Variants in MTFR1 observed in about 807,000 individuals in gnomAD.
The protein encoded by MTFR1 is chondrocyte protein with a poly-proline region.
Under a neutral mutation model 38.8 loss-of-function variants are expected in MTFR1, and 28 were observed. That is an observed-to-expected ratio of 0.72 (90% CI 0.53 to 0.99). The LOEUF (loss-of-function observed/expected upper bound fraction) is 0.99, where lower values mean the gene tolerates loss of function less well. Ranked by LOEUF, MTFR1 falls within the 50% of genes least tolerant of loss-of-function variation. The pLI is 0.00. For synonymous variants in MTFR1, 145 were observed against 137.0 expected (o/e 1.06, Z -0.41); for missense variants, 358 against 395.5 (o/e 0.91, Z 0.81).
chr8:65,713,867 T>TA (rs1216109382), downstream of MTFR1, among the ~76,000 whole-genome samples: 1 of 151,986 alleles, frequency 6.6e-6, no homozygotes, highest in African/African-American at 2.4e-5. Context: ...TATTTTTTTT[T>TA]AGTAGAGATG....
intron 2 of MTFR1, among the ~76,000 whole-genome samples, chr8:65,681,095 G>A (rs1804872687): frequency 6.6e-6 from 1 of 151,360 alleles, no homozygotes; most frequent in Admixed American, 6.6e-5. Flanking sequence ...TGTATTTTTA[G>A]TAGAGACGGG....
exon 3 of MTFR1, chr8:65,719,447 A>C (rs746312759): frequency 1.2e-6 from 2 of 1,614,062 alleles, no homozygotes; most frequent in Non-Finnish European, 1.7e-6. Flanking sequence ...TGTATTGGAA[A>C]ACCTGGCCCA....
chr8:65,710,205 A>AGTT lies in MTFR1; in HGVS notation c.*1164_*1166dup, dbSNP rs1449229807. 7 of 152,202 alleles carry AGTT rather than the reference A, an allele frequency of 4.6e-5. No homozygotes were observed. Among genetic ancestry groups the AGTT allele is most frequent in the African/African-American group, 1.7e-4 (7 of 41,462 alleles). The allele number at this position is 152,202 out of a possible 1,614,324, so 9.4% of individuals were successfully genotyped here. On this transcript the variant is annotated 3_prime_UTR_variant, in exon 8 of 8. Coordinates refer to ENST00000262146, the MANE Select transcript of MTFR1 (RefSeq NM_014637.4). Reference sequence around the variant, plus strand: ...ATATTTAAATCTAGTAAAAGAAGAAAGTTGTACTTCCTGGCTGGGAGTATT... The same window carrying AGTT: ...ATATTTAAATCTAGTAAAAGAAGAAAGTTGTTGTACTTCCTGGCTGGGAGTATT...
At chr8:65,699,417 A>G (rs1472997296) in intron 4 of MTFR1, among the ~76,000 whole-genome samples, 1 of 152,222 alleles carries the variant, frequency 6.6e-6, no homozygotes, top group East Asian at 1.9e-4. Flanking sequence ...AAATCTTCAT[A>G]TTCCTTTCCA....
At chr8:65,760,808 G>A (rs1275072678) in intron 3 of MTFR1, among the ~76,000 whole-genome samples, 4 of 152,164 alleles carry the variant, frequency 2.6e-5, no homozygotes, top group Non-Finnish European at 4.4e-5. Flanking sequence ...GTGCTGGGAA[G>A]GTTACACCCA....
At chr8:65,737,436 C>T (rs138578416) in intron 3 of MTFR1, among the ~76,000 whole-genome samples, 7 of 152,296 alleles carry the variant, frequency 4.6e-5, no homozygotes, top group African/African-American at 1.4e-4. Flanking sequence ...AAAATTGTAT[C>T]TGTAGAGTCA....
chr8:65,690,797 C>A (rs1320559401), intron 3 of MTFR1, among the ~76,000 whole-genome samples: 2 of 152,130 alleles, frequency 1.3e-5, no homozygotes, highest in Admixed American at 1.3e-4. Flanking sequence ...AGGCACCATT[C>A]AGATTTTAGT....
intron 3 of MTFR1, among the ~76,000 whole-genome samples, chr8:65,721,035 G>A (rs962671108): frequency 6.6e-6 from 1 of 152,108 alleles, no homozygotes; most frequent in Non-Finnish European, 1.5e-5. Flanking sequence ...ATCACTTCTG[G>A]CTCTACGTTA....
At chr8:65,755,843 G>C (rs1187526944) in intron 3 of MTFR1, among the ~76,000 whole-genome samples, 1 of 152,146 alleles carries the variant, frequency 6.6e-6, no homozygotes, top group African/African-American at 2.4e-5. Context: ...GGCTGGCCTT[G>C]AACTCCTGAG....
Position 65,758,855 on chromosome 8 carries a change from G to A in MTFR1, c.*49-12092G>A, listed in dbSNP as rs542405539. 2.6e-5 allele frequency among the ~76,000 whole-genome samples: 4 copies of A among 152,274 alleles called. 1 individual carries two copies. The highest frequency in any genetic ancestry group is 2.0e-4 in the Admixed American group (3 of 15,306). On this transcript the variant is annotated intron_variant, in intron 3 of 3. Transcript: ENST00000521247. ...ATCCAGAATCAGGTCTATCCCATCT[G>A]TAGCCCCCCAGGGCTACCAGCATCA...
At chr8:65,682,314 A>G (rs533446188) in intron 2 of MTFR1, 39 bp from the exon 3 acceptor site, 12 of 1,064,726 alleles carry the variant, frequency 1.1e-5, no homozygotes, top group Non-Finnish European at 1.7e-5. Flanking sequence ...AGTTCTGTAC[A>G]TCTTGTAATT....
chr8:65,726,201 G>A (rs950417608), intron 3 of MTFR1, among the ~76,000 whole-genome samples: 1 of 152,156 alleles, frequency 6.6e-6, no homozygotes, highest in Non-Finnish European at 1.5e-5. Flanking sequence ...TTTTCCCTCA[G>A]TGCAACATTA....
intron 3 of MTFR1, among the ~76,000 whole-genome samples, chr8:65,729,788 C>T (rs550834584): frequency 1.3e-4 from 19 of 151,522 alleles, no homozygotes; most frequent in Non-Finnish European, 2.1e-4. Flanking sequence ...AGGCTGGTCT[C>T]GAATTCCTAA....
chr8:65,741,391 T>C (rs1306863272), intron 3 of MTFR1, among the ~76,000 whole-genome samples: 1 of 152,154 alleles, frequency 6.6e-6, no homozygotes. Context: ...TGAAGGATAA[T>C]AAAGGACTGT....
intron 3 of MTFR1, chr8:65,728,460 C>T (rs973540518): frequency 1.3e-5 from 2 of 152,114 alleles, no homozygotes; most frequent in Non-Finnish European, 2.9e-5. Flanking sequence ...TGTAAGCTAC[C>T]TGGAAGCAGA....
chr8:65,691,659 T>G (rs1005764745), intron 3 of MTFR1, among the ~76,000 whole-genome samples: 8 of 150,816 alleles, frequency 5.3e-5, no homozygotes, highest in East Asian at 1.9e-4. Flanking sequence ...TGGATTTTGG[T>G]TTTTTTTTGT....
chr8:65,688,141 C>T (rs1418663493), intron 3 of MTFR1, among the ~76,000 whole-genome samples: 2 of 148,186 alleles, frequency 1.3e-5, no homozygotes, highest in African/African-American at 5.0e-5. Context: ...TGGCTCACAC[C>T]TATAATCCCA....
At chr8:65,679,321 T>C (rs925104368) in intron 2 of MTFR1, among the ~76,000 whole-genome samples, 7 of 152,158 alleles carry the variant, frequency 4.6e-5, no homozygotes, top group Non-Finnish European at 8.8e-5. Context: ...ATGTATAAGG[T>C]AGGGCCATGT....
intron 3 of MTFR1, among the ~76,000 whole-genome samples, chr8:65,765,380 T>G (rs376907679): frequency 4.8e-5 from 7 of 144,896 alleles, no homozygotes; most frequent in Admixed American, 3.5e-4. Context: ...TCCCAGCTAC[T>G]CGGGAGGCTG....
Sources: allele counts gnomAD v4.1 joint callset (sites outside exome capture counted in the v4.1 genomes callset), GRCh38; gene constraint gnomAD v4.1.1; transcripts MANE v1.5; gene names NCBI Gene and HGNC (gene_info 2026-07-23, HGNC 2026-07-21).